CACNA1H: variants seen among roughly 807,000 people sequenced by gnomAD.
CACNA1H encodes the protein voltage-dependent T-type calcium channel subunit alpha-1H.
CACNA1H carries 149 observed loss-of-function variants against 192.5 expected under a neutral mutation model. The observed-to-expected ratio is 0.77, with a 90% CI of 0.68 to 0.89. The LOEUF is 0.89. CACNA1H is among the 40% of genes least tolerant of loss of function. The probability of loss-of-function intolerance (pLI) is 0.00; values close to 1 mark genes in which losing one functional copy is unlikely to be tolerated. For synonymous variants in CACNA1H, 2,202 were observed against 1,475.2 expected, an observed-to-expected ratio of 1.49 and a Z score of -11.29; for missense variants, 4,257 against 3,423.5, an observed-to-expected ratio of 1.24 and a Z score of -6.08.
At chr16:1,218,802 G>A (rs549527281) in intron 33 of CACNA1H, among the ~76,000 whole-genome samples, 151 bp downstream of exon 33, 51 of 151,610 alleles carry the variant, frequency 3.4e-4, no homozygotes, top group African/African-American at 1.2e-3. Flanking sequence ...GAGGGAGGAT[G>A]GAGGCCAGAT....
In CACNA1H at chr16:1,154,044, T is replaced by C. The variant is rs752583405; in HGVS notation, c.299+8T>C. The C allele has an allele frequency of 3.0e-6, 2 of 659,572 alleles. No individual in the cohort carries two copies. Among genetic ancestry groups the C allele is most frequent in the African/African-American group, 2.5e-5 (1 of 40,126 alleles). The allele number at this position is 659,572 out of a possible 1,614,324, so 40.9% of individuals were successfully genotyped here. A position where few individuals can be genotyped will look rare whatever the true frequency, so the allele number is the denominator to read the frequency against. On this transcript the variant is annotated splice_region_variant and intron_variant, in intron 2 of 34. Coordinates refer to ENST00000348261, the MANE Select transcript of CACNA1H (RefSeq NM_021098.3). ...CCGGCTGGTCTGCAACCCATATCCT[T>C]CCCGGCCGGCGGGGGGCGGGGGGCG...
At chr16:1,204,928 CGGG>C (rs1968486074) in intron 10 of CACNA1H, among the ~76,000 whole-genome samples, 183 bp from the exon 11 acceptor site, 1 of 14,242 alleles carries the variant, frequency 7.0e-5, no homozygotes, top group Admixed American at 5.8e-4. Context: ...AGATCAGTGC[CGGG>C]GAGGGGTGGG....
rs768524941 is a variant in CACNA1H at position 1,211,161 on chromosome 16, C to T, written c.4224-7C>T. 5.6e-5 allele frequency: 90 copies of T among 1,612,456 alleles called. 1 individual carries two copies. The highest frequency in any genetic ancestry group is 1.7e-4 in the Middle Eastern group (1 of 6,056). ...ATGACTGCAGTGTATCCTTCACTCCCCTCCAGGGTCATCAGCCGGGCCCCG... is the reference window on the plus strand; with the variant it reads ...ATGACTGCAGTGTATCCTTCACTCCTCTCCAGGGTCATCAGCCGGGCCCCG... On this transcript the variant is annotated splice_region_variant and splice_polypyrimidine_tract_variant and intron_variant, in intron 21 of 34. Coordinates refer to ENST00000348261, the MANE Select transcript of CACNA1H (RefSeq NM_021098.3).
At chr16:1,197,539 C>T (rs578132705) in intron 5 of CACNA1H, among the ~76,000 whole-genome samples, 10 of 152,348 alleles carry the variant, frequency 6.6e-5, no homozygotes, top group African/African-American at 2.4e-4. Flanking sequence ...TAATACGCTT[C>T]TCATAATGAG....
intron 2 of CACNA1H, among the ~76,000 whole-genome samples, chr16:1,168,435 G>A (rs927233518): frequency 1.3e-5 from 2 of 152,070 alleles, no homozygotes; most frequent in African/African-American, 4.8e-5. Context: ...CGGGGAGGCT[G>A]CTGGACTTGT....
Position 1,215,250 on chromosome 16 carries a change from A to G in CACNA1H, c.5048A>G (p.Gln1683Arg), listed in dbSNP as rs1414539373. The G allele has an allele frequency of 2.5e-6, 4 of 1,604,144 alleles. No homozygotes were observed. The highest frequency in any genetic ancestry group is 3.4e-6 in the Non-Finnish European group (4 of 1,175,434). ...AGCCTCCGGCCACACAGGTGGAACCAGCTGGACCTGGCCATCGTGCTGCTG... is the reference window on the plus strand; with the variant it reads ...AGCCTCCGGCCACACAGGTGGAACCGGCTGGACCTGGCCATCGTGCTGCTG... The part of the protein sequence containing the change: ...FRRFFKDRWN[Q>R]LDLAIVLLSL... The change falls in exon 29 of 35, where the codon CAG (glutamine) becomes CGG (arginine). Residue 1683 changes from glutamine to arginine, a missense_variant. Gln to Arg is a conservative substitution (Grantham distance 43). Transcript: ENST00000348261.
chr16:1,162,240 C>G (rs1963277198), intron 2 of CACNA1H, among the ~76,000 whole-genome samples: 1 of 152,132 alleles, frequency 6.6e-6, no homozygotes, highest in African/African-American at 2.4e-5. Flanking sequence ...GTCTGAGGCC[C>G]CTACCTGTGG....
At chr16:1,155,631 T>C (rs894532484) in intron 2 of CACNA1H, among the ~76,000 whole-genome samples, 23 of 152,056 alleles carry the variant, frequency 1.5e-4, no homozygotes, top group African/African-American at 5.3e-4. Context: ...GCCCCGGGCC[T>C]GGCTGCCCCA....
At position 1,220,910 on chromosome 16, in the gene CACNA1H, C is replaced by T; in HGVS notation, c.6978C>T (p.Leu2326=). 1.2e-6 allele frequency: 2 copies of T among 1,610,474 alleles called. No individual in the cohort carries two copies. The highest frequency in any genetic ancestry group is 1.7e-6 in the Non-Finnish European group (2 of 1,177,972). The change falls in exon 35 of 35, where the codon CTC becomes CTT. Residue 2326 remains leucine, a synonymous_variant. Coordinates refer to ENST00000348261, the MANE Select transcript of CACNA1H (RefSeq NM_021098.3). ...CAGAGAAGAGGCGGGGGCTGTACCT[C>T]ACAGTCCCCCAGTGTCCTCTGGAGA... is the stretch of plus-strand genomic sequence containing the variant. The part of the protein sequence containing the change: ...DPPEKRRGLY[L]TVPQCPLEKP...
In CACNA1H at chr16:1,153,918, G is replaced by A; in HGVS notation, c.181G>A (p.Glu61Lys). 1 of 1,457,370 alleles carries A rather than the reference G, an allele frequency of 6.9e-7. No individual in the cohort carries two copies. Among genetic ancestry groups the A allele is most frequent in the Non-Finnish European group, 9.0e-7 (1 of 1,105,994 alleles). The allele number at this position is 1,457,370 out of a possible 1,614,324, so 90.3% of individuals were successfully genotyped here. The stretch of plus-strand genomic sequence containing the variant: ...GAGCCCGGCGGCCGAGCGCGGCGCG[G>A]AGCTGGGTGCCGACGAGGAGCAGCG... ...SESPAAERGA[E>K]LGADEEQRVP... is the part of the protein sequence containing the mutation. Residue 61 changes from glutamate to lysine, a missense_variant, in exon 2 of 35, where the codon GAG becomes AAG. Physicochemically the swap from Glu to Lys is moderately conservative, Grantham distance 56. Transcript: ENST00000348261.
intron 31 of CACNA1H, 32 bp downstream of exon 31, chr16:1,217,042 A>G (rs1290360783): frequency 6.5e-7 from 1 of 1,549,606 alleles, no homozygotes; most frequent in Non-Finnish European, 8.8e-7. Flanking sequence ...CTCCTGGCAC[A>G]CATGGGGTCC....
chr16:1,212,232 A>G, intron 25 of CACNA1H, 94 bp downstream of exon 25: 1 of 1,468,464 alleles, frequency 6.8e-7, no homozygotes, highest in Non-Finnish European at 9.0e-7. Context: ...GGCCTCCCCG[A>G]ATGGCTCTGC....
In CACNA1H at chr16:1,201,887, C is replaced by T. The variant is rs144326377; in HGVS notation, c.1437C>T (p.Tyr479=). ...TCAAGCGGCGCAGCTTGCGCCTCTA[C>T]GCCCGCTGGCAGAGCCGCTGGCGCA... ...RKVKRRSLRL[Y]ARWQSRWRKK... The change falls in exon 9 of 35, where the codon TAC becomes TAT. Residue 479 remains tyrosine (Y), a synonymous_variant. Coordinates refer to ENST00000348261, the MANE Select transcript of CACNA1H (RefSeq NM_021098.3). 42 of 1,551,896 alleles carry T rather than the reference C, an allele frequency of 2.7e-5. No individual in the cohort carries two copies. Among genetic ancestry groups the T allele is most frequent in the Admixed American group, 7.8e-5 (4 of 51,188 alleles).
At chr16:1,193,504 G>A (rs1041547351) in intron 2 of CACNA1H, among the ~76,000 whole-genome samples, 10 of 152,248 alleles carry the variant, frequency 6.6e-5, no homozygotes, top group African/African-American at 2.2e-4. Flanking sequence ...CACTCTGGCC[G>A]CTGGGGTCGC....
At chr16:1,189,645 C>T (rs1383717283) in intron 2 of CACNA1H, among the ~76,000 whole-genome samples, 3 of 152,000 alleles carry the variant, frequency 2.0e-5, no homozygotes, top group Admixed American at 6.6e-5. Flanking sequence ...TGGTCTCAGA[C>T]TCCTGGGTTC....
At chr16:1,206,776 C>T (rs990849690) in intron 12 of CACNA1H, 35 of 532,582 alleles carry the variant, frequency 6.6e-5, no homozygotes, top group Non-Finnish European at 2.3e-5. Flanking sequence ...CGCCTCTGGT[C>T]TTGGTTCTCT....
In CACNA1H at chr16:1,200,766, C is replaced by G. The variant is rs760796172; in HGVS notation, c.1170C>G (p.Ala390=). ...ACATCATGTACTACGTCATGGACGC[C>G]CACTCATTCTACAACTTCATCTATT... ...WVDIMYYVMD[A]HSFYNFIYFI... Residue 390 remains alanine (A), a synonymous_variant, in exon 8 of 35, where the codon GCC becomes GCG. Transcript: ENST00000348261. 5 of 1,555,626 alleles carry G rather than the reference C, an allele frequency of 3.2e-6. No individual in the cohort carries two copies. The highest frequency in any genetic ancestry group is 2.7e-5 in the African/African-American group (2 of 73,168).
intron 2 of CACNA1H, 137 bp downstream of exon 2, chr16:1,154,173 G>A (rs1024087466): frequency 1.8e-6 from 1 of 565,288 alleles, no homozygotes; most frequent in Non-Finnish European, 2.6e-6. Flanking sequence ...GCGCGGGGGT[G>A]CAGGGCAGGG....
In CACNA1H at chr16:1,168,180, G is replaced by A. The variant is rs143584691; in HGVS notation, c.299+14144G>A. Among the ~76,000 whole-genome samples the A allele has an allele frequency of 7.6e-3, 1,140 of 150,846 alleles. 15 individuals are homozygous for A. Among genetic ancestry groups the A allele is most frequent in the African/African-American group, 0.027 (1,083 of 40,312 alleles). ...TGCCCCCGCCCCCTCCAGTTGGGGC[G>A]GTTGATGTGGGATCCCCCCCCCCAA... is the stretch of plus-strand genomic sequence containing the variant. On this transcript the variant is annotated intron_variant, in intron 2 of 34. Transcript: ENST00000348261.
Sources: allele counts gnomAD v4.1 joint callset (sites outside exome capture counted in the v4.1 genomes callset), GRCh38; gene constraint gnomAD v4.1.1; transcripts MANE v1.5; gene names NCBI Gene and HGNC (gene_info 2026-07-23, HGNC 2026-07-21).